Variants in KCNJ3 observed in about 807,000 individuals in gnomAD.
The protein encoded by KCNJ3 is G protein-activated inward rectifier potassium channel 1.
KCNJ3 carries 4 observed loss-of-function variants against 39.2 expected under a neutral mutation model. That is an observed-to-expected ratio of 0.10 (90% confidence interval 0.05 to 0.23). The LOEUF (loss-of-function observed/expected upper bound fraction) is 0.23. KCNJ3 is among the 10% of genes least tolerant of loss of function. KCNJ3 has a pLI of 1.00. For synonymous variants in KCNJ3, 230 were observed against 237.4 expected (o/e 0.97, Z 0.29); for missense variants, 276 against 634.9 (o/e 0.43, Z 6.08).
rs1026298946 is a variant in KCNJ3 at position 154,777,208 on chromosome 2, T to C, written c.919+67389T>C. 9.8e-5 allele frequency among the ~76,000 whole-genome samples: 15 copies of C among 152,354 alleles called. No homozygotes were observed. The East Asian group carries it at 1.2e-3, about 12-fold the overall frequency. ...CTAGGGTCTTTTCAAACAGTTTTCA[T>C]TGAGAATGTTTGAATTGCATTGCAA... is the stretch of plus-strand genomic sequence containing the variant. On this transcript the variant is annotated intron_variant, in intron 2 of 2. Transcript: ENST00000295101.
intron 2 of KCNJ3, among the ~76,000 whole-genome samples, chr2:154,766,580 G>A (rs961809268): frequency 7.3e-5 from 11 of 151,022 alleles, no homozygotes; most frequent in Non-Finnish European, 1.2e-4. Context: ...TTTTTGAGAC[G>A]GAATCTCACT....
At chr2:154,824,371 A>G (rs946514356) in intron 2 of KCNJ3, among the ~76,000 whole-genome samples, 3 of 152,032 alleles carry the variant, frequency 2.0e-5, no homozygotes. Flanking sequence ...ATTACCCTAT[A>G]CTTGAGAATA....
At chr2:154,789,164 G>GA (rs1686584652) in intron 2 of KCNJ3, among the ~76,000 whole-genome samples, 1 of 151,904 alleles carries the variant, frequency 6.6e-6, no homozygotes, top group Non-Finnish European at 1.5e-5. Context: ...ATTGCAAAAA[G>GA]AAAAAGCACA....
intron 2 of KCNJ3, among the ~76,000 whole-genome samples, chr2:154,732,616 A>T (rs930032779): frequency 1.3e-5 from 2 of 152,098 alleles, no homozygotes; most frequent in Non-Finnish European, 2.9e-5. Context: ...TAGTGTATTC[A>T]TTACAATGTG....
intron 2 of KCNJ3, among the ~76,000 whole-genome samples, chr2:154,753,950 G>C (rs908524916): frequency 1.3e-5 from 2 of 152,074 alleles, no homozygotes; most frequent in African/African-American, 4.8e-5. Flanking sequence ...CAGAACCATA[G>C]TACAATTATC....
intron 2 of KCNJ3, among the ~76,000 whole-genome samples, chr2:154,761,076 T>G (rs1178756819): frequency 1.3e-5 from 2 of 150,546 alleles, no homozygotes; most frequent in African/African-American, 4.9e-5. Context: ...TTTTTTTTTT[T>G]TTGTTGTAGA....
At chr2:154,747,592 C>A (rs541319561) in intron 2 of KCNJ3, among the ~76,000 whole-genome samples, 1 of 151,964 alleles carries the variant, frequency 6.6e-6, no homozygotes, top group African/African-American at 2.4e-5. Flanking sequence ...CTTATCTTAC[C>A]CCCATCTCCA....
chr2:154,737,195 C>T (rs910416802), intron 2 of KCNJ3, among the ~76,000 whole-genome samples: 1 of 152,122 alleles, frequency 6.6e-6, no homozygotes, highest in Non-Finnish European at 1.5e-5. Flanking sequence ...AGAAGAAAAC[C>T]TCATAATTTT....
intron 2 of KCNJ3, among the ~76,000 whole-genome samples, chr2:154,825,541 ATTAT>A (rs141631387): frequency 0.06 from 8,622 of 144,084 alleles, 336 homozygotes; most frequent in East Asian, 0.17. Context: ...AACTCATGAA[ATTAT>A]TTATTTATTT....
chr2:154,761,901 T>A (rs1395829318), intron 2 of KCNJ3, among the ~76,000 whole-genome samples: 1 of 152,188 alleles, frequency 6.6e-6, no homozygotes, highest in Non-Finnish European at 1.5e-5. Flanking sequence ...AAAGAGACTT[T>A]GCAGATGTGG....
At chr2:154,757,327 GAAGA>G (rs1394167176) in intron 2 of KCNJ3, among the ~76,000 whole-genome samples, 1 of 152,048 alleles carries the variant, frequency 6.6e-6, no homozygotes, top group African/African-American at 2.4e-5. Flanking sequence ...ATATTTTTGG[GAAGA>G]AAGTTTAGTA....
chr2:154,768,537 T>C (rs1322188406), intron 2 of KCNJ3, among the ~76,000 whole-genome samples: 1 of 152,150 alleles, frequency 6.6e-6, no homozygotes, highest in Non-Finnish European at 1.5e-5. Context: ...TTCTGTTCCA[T>C]TGGTCTATAT....
intron 2 of KCNJ3, among the ~76,000 whole-genome samples, chr2:154,749,339 T>C (rs896469228): frequency 2.0e-5 from 3 of 152,120 alleles, no homozygotes; most frequent in Admixed American, 2.0e-4. Context: ...AAAAGTAGGA[T>C]ATGCTCAAAA....
At chr2:154,746,313 A>G (rs1018490048) in intron 2 of KCNJ3, among the ~76,000 whole-genome samples, 1 of 151,858 alleles carries the variant, frequency 6.6e-6, no homozygotes, top group Non-Finnish European at 1.5e-5. Context: ...AGTTGTATGT[A>G]AACTTGTGCC....
intron 2 of KCNJ3, among the ~76,000 whole-genome samples, chr2:154,725,235 T>G (rs1468930055): frequency 5.3e-5 from 4 of 75,542 alleles, no homozygotes; most frequent in Non-Finnish European, 1.2e-4. Flanking sequence ...TTATGTTCTG[T>G]TTTTTTTTTT....
chr2:154,723,874 G>A (rs1004246609), intron 2 of KCNJ3, among the ~76,000 whole-genome samples: 6 of 152,088 alleles, frequency 3.9e-5, no homozygotes, highest in African/African-American at 1.4e-4. Context: ...ATCCTTCAGA[G>A]TGATATGAAG....
chr2:154,844,174 T>C (rs776240730), intron 2 of KCNJ3, among the ~76,000 whole-genome samples: 38 of 152,228 alleles, frequency 2.5e-4, no homozygotes, highest in Non-Finnish European at 3.7e-4. Context: ...CCTTTCTGTT[T>C]GTTAGTTTTC....
At chr2:154,797,472 T>G (rs1461724017) in intron 2 of KCNJ3, among the ~76,000 whole-genome samples, 1 of 152,176 alleles carries the variant, frequency 6.6e-6, no homozygotes, top group East Asian at 1.9e-4. Flanking sequence ...CCCCACTGTC[T>G]ATAGTTTAGT....
chr2:154,834,846 ACAT>A (rs1273516282), intron 2 of KCNJ3, among the ~76,000 whole-genome samples: 3 of 150,078 alleles, frequency 2.0e-5, no homozygotes, highest in Non-Finnish European at 4.4e-5. Context: ...TGAGTTGTCT[ACAT>A]CATAATAACA....
Sources: gnomAD v4.1 joint callset for allele counts (sites outside exome capture counted in the v4.1 genomes callset) on GRCh38, gnomAD v4.1.1 for gene constraint, MANE v1.5 for transcripts, NCBI Gene and HGNC (gene_info 2026-07-23, HGNC 2026-07-21) for gene names.